Variants in ATP10A observed in about 807,000 individuals in gnomAD.
ATP10A encodes the protein phospholipid-transporting ATPase VA.
Under a neutral mutation model 147.8 loss-of-function variants are expected in ATP10A, and 111 were observed. The ratio of observed to expected loss-of-function variants is 0.75; its 90% CI spans 0.64 to 0.88. ATP10A has a LOEUF of 0.88. Among genes scored for constraint, ATP10A ranks in the 40% least tolerant of loss-of-function variants. The pLI is 0.00. For missense variants in ATP10A, 1,927 were observed against 1,959.0 expected, an observed-to-expected ratio of 0.98 and a Z score of 0.31; for synonymous variants, 875 against 841.6, an observed-to-expected ratio of 1.04 and a Z score of -0.69.
chr15:25,690,208 C>T (rs1303763145), intron 15 of ATP10A, among the ~76,000 whole-genome samples: 1 of 149,848 alleles, frequency 6.7e-6, no homozygotes, highest in Non-Finnish European at 1.5e-5. Flanking sequence ...CATGACACAC[C>T]TACGTTTTCC....
intron 13 of ATP10A, 121 bp from the exon 14 acceptor site, chr15:25,695,267 C>G: frequency 8.1e-6 from 7 of 867,096 alleles, no homozygotes; most frequent in Non-Finnish European, 1.2e-5. Context: ...TACCCGCCTG[C>G]CCAGAGGCCA....
At chr15:25,795,562 CAT>C (rs1328270865) in intron 1 of ATP10A, among the ~76,000 whole-genome samples, 1 of 152,152 alleles carries the variant, frequency 6.6e-6, no homozygotes, top group African/African-American at 2.4e-5. Flanking sequence ...TGGTTTTAGT[CAT>C]ATGTTATGAC....
intron 1 of ATP10A, among the ~76,000 whole-genome samples, chr15:25,828,666 C>T (rs1892222024): frequency 1.3e-5 from 2 of 152,110 alleles, no homozygotes; most frequent in South Asian, 4.1e-4. Context: ...TTTAACATCC[C>T]GTATTTGTTA....
chr15:25,856,125 G>C (rs1156665942), intron 1 of ATP10A, among the ~76,000 whole-genome samples: 5 of 152,302 alleles, frequency 3.3e-5, no homozygotes, highest in South Asian at 2.1e-4. Flanking sequence ...ACTGGTTACT[G>C]ATATGGGTTG....
At chr15:25,803,525 T>C (rs1891032117) in intron 1 of ATP10A, among the ~76,000 whole-genome samples, 9 of 152,214 alleles carry the variant, frequency 5.9e-5, no homozygotes. Context: ...TTGCTCTGTC[T>C]GTGTGAATCC....
At position 25,716,754 on chromosome 15, in the gene ATP10A, C is replaced by T. The variant is rs769840917; in HGVS notation, c.1752G>A (p.Thr584=). ...CCTTTGTTCGTGGCTGATCCGGGGA[C>T]GTGACGACGACTGTGTTGCAGATGG... The part of the protein sequence containing the change: ...ALTICNTVVV[T]SPDQPRTKVR... The change falls in exon 9 of 21, where the codon ACG becomes ACA. Residue 584 remains threonine (T), a synonymous_variant. Coordinates refer to ENST00000555815, the MANE Select transcript of ATP10A (RefSeq NM_024490.4). 26 of 1,594,188 alleles carry T rather than the reference C, an allele frequency of 1.6e-5. No homozygotes were observed. The Admixed American group carries it at 2.9e-4, about 18-fold the overall frequency.
At chr15:25,804,468 GTGTA>G (rs1342015736) in intron 1 of ATP10A, among the ~76,000 whole-genome samples, 4 of 133,162 alleles carry the variant, frequency 3.0e-5, no homozygotes, top group Non-Finnish European at 4.7e-5. Flanking sequence ...TGTGTGTGTG[GTGTA>G]TGTATGTGTG....
At chr15:25,851,499 C>T (rs1195670785) in intron 1 of ATP10A, among the ~76,000 whole-genome samples, 1 of 152,084 alleles carries the variant, frequency 6.6e-6, no homozygotes, top group African/African-American at 2.4e-5. Flanking sequence ...ATTACCAAAT[C>T]CAATTTCATT....
intron 1 of ATP10A, among the ~76,000 whole-genome samples, chr15:25,829,475 T>C (rs928546724): frequency 6.6e-6 from 1 of 152,224 alleles, no homozygotes; most frequent in African/African-American, 2.4e-5. Flanking sequence ...TTTTTTTTCT[T>C]GAGCAGGAAC....
At chr15:25,784,451 G>A (rs1890065003) in intron 1 of ATP10A, among the ~76,000 whole-genome samples, 1 of 152,214 alleles carries the variant, frequency 6.6e-6, no homozygotes, top group Non-Finnish European at 1.5e-5. Flanking sequence ...GCCCCATCCA[G>A]GAGGCTTTTA....
chr15:25,829,877 C>T (rs1892278710), intron 1 of ATP10A, among the ~76,000 whole-genome samples: 1 of 152,106 alleles, frequency 6.6e-6, no homozygotes, highest in African/African-American at 2.4e-5. Context: ...GATCTCACTC[C>T]CAGGGAAGGG....
At chr15:25,799,691 T>A (rs1023415275) in intron 1 of ATP10A, among the ~76,000 whole-genome samples, 19 of 152,014 alleles carry the variant, frequency 1.2e-4, no homozygotes, top group African/African-American at 3.6e-4. Context: ...TGTGATCACG[T>A]CACTGCACCC....
chr15:25,832,532 C>A lies in ATP10A; in HGVS notation c.449+30116G>T, dbSNP rs374679337. On this transcript the variant is annotated intron_variant, in intron 1 of 20. Transcript: ENST00000555815. ...TCAATGACCAGATTCCATTTTTTGT[C>A]TTATGCTTACAGGTCCTATGTAAAT... is the stretch of plus-strand genomic sequence containing the variant. Among the ~76,000 whole-genome samples the A allele has an allele frequency of 4.0e-5, 6 of 150,256 alleles. No homozygotes were observed. In the South Asian group the frequency reaches 1.3e-3, roughly 32 times the overall value.
At chr15:25,738,095 A>G (rs1367547601) in intron 2 of ATP10A, among the ~76,000 whole-genome samples, 2 of 152,046 alleles carry the variant, frequency 1.3e-5, no homozygotes, top group African/African-American at 4.8e-5. Flanking sequence ...CACCTTCTGG[A>G]TGAGGAAAAT....
At chr15:25,686,610 T>C (rs1359408059) in intron 16 of ATP10A, among the ~76,000 whole-genome samples, 3 of 107,888 alleles carry the variant, frequency 2.8e-5, no homozygotes, top group Non-Finnish European at 5.0e-5. Flanking sequence ...CAGAAGAGTA[T>C]AGGATAATCT....
rs370976350 is a variant in ATP10A at position 25,788,365 on chromosome 15, T to C, written c.450-7142A>G. Among the ~76,000 whole-genome samples, 7 of 152,320 alleles carry C rather than the reference T, an allele frequency of 4.6e-5. No homozygotes were observed. The East Asian group carries it at 1.2e-3, about 25-fold the overall frequency. Reference sequence around the variant, plus strand: ...AAGCCTGGACTCTGAGTGCCCGAGTTCCTGATCTGCAGAACGGGGGTCTGT... The same window carrying C: ...AAGCCTGGACTCTGAGTGCCCGAGTCCCTGATCTGCAGAACGGGGGTCTGT... On this transcript the variant is annotated intron_variant, in intron 1 of 20. Coordinates refer to ENST00000555815, the MANE Select transcript of ATP10A (RefSeq NM_024490.4).
chr15:25,713,151 C>T lies in ATP10A; in HGVS notation c.2344+523G>A, dbSNP rs181763738. ...AGTTCCCTGGAGGTGAGGCTGCACT[C>T]CTCCGTCCTCTGAGCACAGAGGGAG... On this transcript the variant is annotated intron_variant, in intron 10 of 20. Transcript: ENST00000555815. Among the ~76,000 whole-genome samples the T allele has an allele frequency of 3.0e-3, 459 of 152,340 alleles. 3 individuals are homozygous for T. The highest frequency in any genetic ancestry group is 0.011 in the African/African-American group (440 of 41,588).
chr15:25,754,892 A>G (rs980081616), intron 2 of ATP10A, among the ~76,000 whole-genome samples: 1 of 152,196 alleles, frequency 6.6e-6, no homozygotes, highest in African/African-American at 2.4e-5. Flanking sequence ...GGCAGAGGGA[A>G]TGGGATTCTT....
chr15:25,862,643 C>T lies in ATP10A; in HGVS notation c.449+5G>A. 1 of 1,563,042 alleles carries T rather than the reference C, an allele frequency of 6.4e-7. No homozygotes were observed. Among genetic ancestry groups the T allele is most frequent in the Non-Finnish European group, 8.7e-7 (1 of 1,153,638 alleles). Reference sequence around the variant, plus strand: ...CGCGCTCGCTCGCCCGCCCGCCCAACTCACCTGCTGAAGACCAGGCAGCCC... The same window carrying T: ...CGCGCTCGCTCGCCCGCCCGCCCAATTCACCTGCTGAAGACCAGGCAGCCC... On this transcript the variant is annotated splice_donor_5th_base_variant and intron_variant, in intron 1 of 20. Coordinates refer to ENST00000555815, the MANE Select transcript of ATP10A (RefSeq NM_024490.4).
Sources: allele counts gnomAD v4.1 joint callset (sites outside exome capture counted in the v4.1 genomes callset), GRCh38; gene constraint gnomAD v4.1.1; transcripts MANE v1.5; gene names NCBI Gene and HGNC (gene_info 2026-07-23, HGNC 2026-07-21).